Variants in MTA3 observed in about 807,000 individuals in gnomAD.
MTA3 encodes metastasis-associated protein MTA3.
MTA3 carries 34 observed loss-of-function variants against 83.5 expected under a neutral mutation model. The ratio of observed to expected loss-of-function variants is 0.41; its 90% CI spans 0.31 to 0.54. MTA3 has a LOEUF of 0.54. Among genes scored for constraint, MTA3 ranks in the 20% least tolerant of loss-of-function variants. The probability of loss-of-function intolerance (pLI) is 0.33; values close to 1 mark genes in which losing one functional copy is unlikely to be tolerated. For synonymous variants in MTA3, 303 were observed against 252.7 expected, an observed-to-expected ratio of 1.20 and a Z score of -1.89; for missense variants, 761 against 726.4, an observed-to-expected ratio of 1.05 and a Z score of -0.55.
intron 2 of MTA3, among the ~76,000 whole-genome samples, chr2:42,500,747 C>T (rs1487357282): frequency 6.6e-6 from 1 of 150,610 alleles, no homozygotes; most frequent in African/African-American, 2.4e-5. Context: ...ACAAGTACAG[C>T]ATAGTACATT....
intron 2 of MTA3, among the ~76,000 whole-genome samples, chr2:42,538,767 G>GT (rs1306095679): frequency 0.14 from 10,062 of 72,286 alleles, 725 homozygotes; most frequent in Non-Finnish European, 0.19. Flanking sequence ...TGTTTTTTTT[G>GT]TTTTTTTTTG....
At chr2:42,607,252 A>G (rs1683585794) in intron 3 of MTA3, among the ~76,000 whole-genome samples, 1 of 152,206 alleles carries the variant, frequency 6.6e-6, no homozygotes, top group East Asian at 1.9e-4. Context: ...ACTGTAGAGT[A>G]GAGCAAAGCA....
At chr2:42,742,129 T>C (rs1462902128) in intron 16 of MTA3, among the ~76,000 whole-genome samples, 3 of 120,766 alleles carry the variant, frequency 2.5e-5, no homozygotes, top group African/African-American at 9.3e-5. Flanking sequence ...GCCATCACTT[T>C]CTTTCTTTCT....
intron 3 of MTA3, among the ~76,000 whole-genome samples, chr2:42,586,183 A>G (rs1199824694): frequency 6.6e-6 from 1 of 151,618 alleles, no homozygotes; most frequent in Non-Finnish European, 1.5e-5. Context: ...AGGCTGAGGC[A>G]GAATTGCTTG....
chr2:42,691,959 C>T (rs1268639250), intron 9 of MTA3, among the ~76,000 whole-genome samples: 3 of 152,084 alleles, frequency 2.0e-5, no homozygotes, highest in African/African-American at 7.2e-5. Context: ...TATCTTTGAC[C>T]TTTGGGAGTT....
At chr2:42,553,927 AAAAAC>A (rs1677255361) in intron 2 of MTA3, among the ~76,000 whole-genome samples, 1 of 151,130 alleles carries the variant, frequency 6.6e-6, no homozygotes, top group East Asian at 1.9e-4. Flanking sequence ...AGAAGAAAAA[AAAAAC>A]AAAACAAAAA....
At chr2:42,572,569 G>A (rs546425412) in intron 2 of MTA3, among the ~76,000 whole-genome samples, 4 of 151,480 alleles carry the variant, frequency 2.6e-5, no homozygotes, top group East Asian at 1.9e-4. Flanking sequence ...AGACTGTCTC[G>A]AAATTAAAAA....
rs915909789 is a variant in MTA3 at position 42,755,028 on chromosome 2, G to A, written c.*1629G>A. On this transcript the variant is annotated 3_prime_UTR_variant, in exon 17 of 17. Transcript: ENST00000405094. ...TCTTGGCTTGGGGCGCTGAGGGTGG[G>A]GCCTGTGTCAGAAGCATTTGGTGAG... 1 of 985,678 alleles carries A rather than the reference G, an allele frequency of 1.0e-6. No individual in the cohort carries two copies. The allele number at this position is 985,678 out of a possible 1,614,324, so 61.1% of individuals were successfully genotyped here. A position where few individuals can be genotyped will look rare whatever the true frequency, so the allele number is the denominator to read the frequency against.
intron 4 of MTA3, among the ~76,000 whole-genome samples, chr2:42,633,348 C>G (rs956236557): frequency 2.0e-5 from 3 of 151,616 alleles, no homozygotes; most frequent in African/African-American, 7.3e-5. Flanking sequence ...ATTGGGGGGC[C>G]AAGGAGGATC....
chr2:42,740,632 G>A lies in MTA3; in HGVS notation c.1760-12742G>A, dbSNP rs547485323. The stretch of plus-strand genomic sequence containing the variant: ...AGCATTCATCTCCTTGTACATCTCC[G>A]TCAGAGCTCTTGGGTGACCAAGTGC... On this transcript the variant is annotated intron_variant, in intron 16 of 16. Transcript: ENST00000405094. Among the ~76,000 whole-genome samples the A allele has an allele frequency of 2.7e-3, 407 of 152,342 alleles. 1 individual carries two copies. Among genetic ancestry groups the A allele is most frequent in the African/African-American group, 9.5e-3 (394 of 41,574 alleles).
chr2:42,583,671 C>T (rs531992586), intron 3 of MTA3, among the ~76,000 whole-genome samples: 8 of 151,970 alleles, frequency 5.3e-5, no homozygotes, highest in African/African-American at 7.2e-5. Context: ...TGAGAGTACA[C>T]GCGCATGCCA....
At chr2:42,521,069 T>G (rs532022490) in intron 2 of MTA3, among the ~76,000 whole-genome samples, 1 of 152,294 alleles carries the variant, frequency 6.6e-6, no homozygotes, top group South Asian at 2.1e-4. Flanking sequence ...CACCTCCCCT[T>G]GAGTGGGGAT....
intron 16 of MTA3, among the ~76,000 whole-genome samples, chr2:42,744,307 G>C (rs756553948): frequency 6.6e-6 from 1 of 152,058 alleles, no homozygotes; most frequent in Non-Finnish European, 1.5e-5. Flanking sequence ...GCCACCCCTG[G>C]GACCATTCCT....
At position 42,682,496 on chromosome 2, in the gene MTA3, T is replaced by C; in HGVS notation, c.798T>C (p.Asp266=). ...VPLGGPVLCR[D]EMEEWSASEA... ...TCGGAGGACCTGTTTTATGCAGAGA[T>C]GAAATGGAGGAATGGTCAGCCTCTG... Residue 266 remains aspartate (D), a synonymous_variant, in exon 9 of 17, where the codon GAT becomes GAC. Coordinates refer to ENST00000405094, the MANE Select transcript of MTA3 (RefSeq NM_001330442.2). 6.2e-7 allele frequency: 1 copy of C among 1,612,490 alleles called. No homozygotes were observed. The highest frequency in any genetic ancestry group is 2.2e-5 in the East Asian group (1 of 44,820).
intron 2 of MTA3, among the ~76,000 whole-genome samples, chr2:42,502,352 A>C (rs937040491): frequency 6.6e-6 from 1 of 152,198 alleles, no homozygotes; most frequent in African/African-American, 2.4e-5. Context: ...TTAGTCCGCC[A>C]TCTGAGGTCT....
chr2:42,708,842 C>T, intron 13 of MTA3, 32 bp from the exon 14 acceptor site: 2 of 1,611,340 alleles, frequency 1.2e-6, no homozygotes, highest in African/African-American at 1.3e-5. Context: ...AAGTTCACTT[C>T]CTTGAGTGTT....
At chr2:42,526,345 G>T (rs941001904) in intron 2 of MTA3, among the ~76,000 whole-genome samples, 14 of 152,134 alleles carry the variant, frequency 9.2e-5, no homozygotes, top group Non-Finnish European at 1.9e-4. Context: ...GATTACAGGC[G>T]CATGCCACCG....
chr2:42,676,145 C>G (rs1573580001), intron 8 of MTA3, among the ~76,000 whole-genome samples: 1 of 152,206 alleles, frequency 6.6e-6, no homozygotes, highest in Admixed American at 6.5e-5. Context: ...TGAGACAGTA[C>G]AGGAGCTCCT....
At chr2:42,531,341 T>C (rs985873323) in intron 2 of MTA3, among the ~76,000 whole-genome samples, 3 of 152,026 alleles carry the variant, frequency 2.0e-5, no homozygotes, top group Non-Finnish European at 4.4e-5. Flanking sequence ...GAGCCCTTTT[T>C]CATGCATGGT....
Sources: gnomAD v4.1 joint callset for allele counts (sites outside exome capture counted in the v4.1 genomes callset) on GRCh38, gnomAD v4.1.1 for gene constraint, MANE v1.5 for transcripts, NCBI Gene and HGNC (gene_info 2026-07-23, HGNC 2026-07-21) for gene names.